DAB1: variants seen among roughly 807,000 people sequenced by gnomAD.
The protein encoded by DAB1 is disabled homolog 1.
In DAB1, 15 loss-of-function variants were observed where a neutral mutation model predicts 64.6. The ratio of observed to expected loss-of-function variants is 0.23; its 90% CI spans 0.16 to 0.36. The LOEUF is 0.36. Ranked by LOEUF, DAB1 falls within the 10% of genes least tolerant of loss-of-function variation. DAB1 has a pLI of 1.00. For synonymous variants in DAB1, 235 were observed against 251.9 expected, an observed-to-expected ratio of 0.93 and a Z score of 0.64; for missense variants, 596 against 706.7, an observed-to-expected ratio of 0.84 and a Z score of 1.78.
At chr1:57,538,209 A>G (rs1015853090) in intron 7 of DAB1, among the ~76,000 whole-genome samples, 4 of 152,082 alleles carry the variant, frequency 2.6e-5, no homozygotes, top group Admixed American at 2.6e-4. Flanking sequence ...ACATTTTTTT[A>G]ATGTTTTCCT....
At chr1:57,450,450 C>G (rs1256455366) in intron 7 of DAB1, among the ~76,000 whole-genome samples, 2 of 152,160 alleles carry the variant, frequency 1.3e-5, no homozygotes, top group Non-Finnish European at 2.9e-5. Flanking sequence ...CTTCTTTAGG[C>G]TCTACAACTT....
chr1:57,664,837 T>C (rs1646427721), intron 6 of DAB1, among the ~76,000 whole-genome samples: 1 of 151,992 alleles, frequency 6.6e-6, no homozygotes, highest in Admixed American at 6.6e-5. Context: ...GACAGTAGAA[T>C]GCATAATGAT....
intron 3 of DAB1, among the ~76,000 whole-genome samples, chr1:58,465,404 C>G (rs1304637875): frequency 2.0e-5 from 3 of 152,210 alleles, no homozygotes; most frequent in African/African-American, 7.2e-5. Context: ...AGGACATCGT[C>G]CTCACCCCCG....
intron 7 of DAB1, among the ~76,000 whole-genome samples, chr1:57,470,411 G>A (rs1687096578): frequency 6.6e-6 from 1 of 152,226 alleles, no homozygotes; most frequent in Non-Finnish European, 1.5e-5. Flanking sequence ...AGAGGTGTTT[G>A]TAAAGCAAAA....
intron 2 of DAB1, among the ~76,000 whole-genome samples, chr1:57,213,608 C>T (rs1218969222): frequency 6.6e-6 from 1 of 152,210 alleles, no homozygotes. Context: ...TTTCTTTCTA[C>T]CTCCATCTTT....
intron 2 of DAB1, among the ~76,000 whole-genome samples, chr1:57,224,927 G>A (rs930778181): frequency 6.6e-6 from 1 of 152,078 alleles, no homozygotes; most frequent in African/African-American, 2.4e-5. Context: ...TTTAATCAGT[G>A]GGCCTACATT....
At chr1:57,691,885 C>A (rs1646769030) in intron 6 of DAB1, among the ~76,000 whole-genome samples, 1 of 152,084 alleles carries the variant, frequency 6.6e-6, no homozygotes, top group Non-Finnish European at 1.5e-5. Flanking sequence ...ATATTGGGCA[C>A]CTGTTGGGCA....
chr1:57,210,055 T>C (rs1665881927), intron 2 of DAB1, among the ~76,000 whole-genome samples: 1 of 152,198 alleles, frequency 6.6e-6, no homozygotes, highest in Non-Finnish European at 1.5e-5. Context: ...ATTAATAAAA[T>C]TGAGATAATA....
At chr1:57,282,026 A>G (rs1464192404) in intron 2 of DAB1, among the ~76,000 whole-genome samples, 1 of 151,772 alleles carries the variant, frequency 6.6e-6, no homozygotes, top group Non-Finnish European at 1.5e-5. Context: ...TACTAAAAAT[A>G]TAAAAAATTA....
intron 3 of DAB1, among the ~76,000 whole-genome samples, chr1:58,451,689 C>G (rs1645138261): frequency 6.6e-6 from 1 of 151,784 alleles, no homozygotes; most frequent in Non-Finnish European, 1.5e-5. Context: ...AAATACTGAT[C>G]ATAAGAAAGC....
At chr1:58,528,340 T>C (rs1646382979) in intron 1 of DAB1, among the ~76,000 whole-genome samples, 1 of 152,184 alleles carries the variant, frequency 6.6e-6, no homozygotes, top group Non-Finnish European at 1.5e-5. Context: ...CTAAACCCAG[T>C]AGTATCATAT....
At chr1:57,957,257 C>T (rs1033635889) in intron 5 of DAB1, among the ~76,000 whole-genome samples, 3 of 152,144 alleles carry the variant, frequency 2.0e-5, no homozygotes, top group African/African-American at 7.2e-5. Context: ...TGGCCACATC[C>T]TCAGTATTTT....
intron 3 of DAB1, among the ~76,000 whole-genome samples, chr1:58,346,540 G>A (rs1173369189): frequency 6.6e-6 from 1 of 152,216 alleles, no homozygotes; most frequent in African/African-American, 2.4e-5. Context: ...CTCTGGATAA[G>A]TAATCTTCTT....
At chr1:58,522,303 T>G (rs997859039) in intron 2 of DAB1, among the ~76,000 whole-genome samples, 2 of 152,144 alleles carry the variant, frequency 1.3e-5, no homozygotes, top group African/African-American at 4.8e-5. Flanking sequence ...CATCTGCACA[T>G]GTACCCTGGA....
intron 2 of DAB1, among the ~76,000 whole-genome samples, chr1:57,161,490 T>C (rs1002616475): frequency 3.3e-5 from 5 of 152,164 alleles, no homozygotes; most frequent in Non-Finnish European, 7.4e-5. Flanking sequence ...CAGTGAAATT[T>C]GCCTTTCTAA....
At chr1:58,174,103 C>G (rs1656326532) in intron 4 of DAB1, among the ~76,000 whole-genome samples, 1 of 152,220 alleles carries the variant, frequency 6.6e-6, no homozygotes, top group African/African-American at 2.4e-5. Flanking sequence ...GACCTCCTCA[C>G]TGCTGAGAAA....
chr1:58,340,622 C>T (rs1348248691), intron 4 of DAB1, among the ~76,000 whole-genome samples: 1 of 152,204 alleles, frequency 6.6e-6, no homozygotes, highest in Non-Finnish European at 1.5e-5. Context: ...AAATGTGAGG[C>T]TTCTCAACTC....
intron 7 of DAB1, among the ~76,000 whole-genome samples, chr1:57,589,206 G>A (rs1004899133): frequency 6.6e-6 from 1 of 151,966 alleles, no homozygotes; most frequent in Admixed American, 6.6e-5. Flanking sequence ...GGCAACAACA[G>A]CGAAACTCCA....
At chr1:57,232,910 A>G (rs1290956750) in intron 2 of DAB1, among the ~76,000 whole-genome samples, 1 of 152,236 alleles carries the variant, frequency 6.6e-6, no homozygotes, top group Non-Finnish European at 1.5e-5. Flanking sequence ...TGTCATTGGT[A>G]TGACCATGTC....
Sources: gnomAD v4.1 joint callset for allele counts (sites outside exome capture counted in the v4.1 genomes callset) on GRCh38, gnomAD v4.1.1 for gene constraint, MANE v1.5 for transcripts, NCBI Gene and HGNC (gene_info 2026-07-23, HGNC 2026-07-21) for gene names.